Variants in MAN2A1 observed in about 807,000 individuals in gnomAD.
MAN2A1 encodes the protein mannosidase alpha class 2A member 1, also known as alpha-mannosidase 2.
A neutral mutation model predicts 142.6 loss-of-function variants in MAN2A1; 76 were observed. That is an observed-to-expected ratio of 0.53 (90% CI 0.44 to 0.65). The LOEUF is 0.65. Ranked by LOEUF, MAN2A1 falls within the 30% of genes least tolerant of loss-of-function variation. MAN2A1 has a pLI of 0.00. For synonymous variants in MAN2A1, 559 were observed against 473.2 expected (o/e 1.18, Z -2.35); for missense variants, 1,311 against 1,365.1 (o/e 0.96, Z 0.62).
chr5:109,793,713 A>G (rs764965603), intron 12 of MAN2A1, among the ~76,000 whole-genome samples: 17 of 152,204 alleles, frequency 1.1e-4, no homozygotes, highest in Non-Finnish European at 1.8e-4. Context: ...TTCAGATTGC[A>G]TCTCAGCATC....
intron 4 of MAN2A1, among the ~76,000 whole-genome samples, chr5:109,736,714 T>A (rs1024408590): frequency 6.6e-6 from 1 of 152,160 alleles, no homozygotes; most frequent in Admixed American, 6.6e-5. Flanking sequence ...TTGATTTACT[T>A]AATTTTGTTG....
intron 4 of MAN2A1, among the ~76,000 whole-genome samples, chr5:109,732,051 A>G (rs905617337): frequency 6.6e-6 from 1 of 151,954 alleles, no homozygotes; most frequent in Non-Finnish European, 1.5e-5. Flanking sequence ...AATGATTGCC[A>G]TTCTAACTGG....
At chr5:109,814,754 T>G (rs1055488408) in intron 12 of MAN2A1, among the ~76,000 whole-genome samples, 1 of 152,202 alleles carries the variant, frequency 6.6e-6, no homozygotes, top group Non-Finnish European at 1.5e-5. Flanking sequence ...AAATATATGG[T>G]TAAAATTATT....
chr5:109,854,915 A>C, intron 19 of MAN2A1: 2 of 366,952 alleles, frequency 5.5e-6, no homozygotes, highest in South Asian at 1.2e-4. Flanking sequence ...AATCAATGGA[A>C]GATATATTTT....
intron 16 of MAN2A1, 140 bp from the exon 17 acceptor site, chr5:109,842,188 A>G (rs971846850): frequency 1.5e-5 from 8 of 518,426 alleles, no homozygotes; most frequent in Non-Finnish European, 2.6e-5. Flanking sequence ...TTGTCATAGC[A>G]TTTATTATAT....
At chr5:109,788,680 C>T (rs1753660533) in intron 10 of MAN2A1, among the ~76,000 whole-genome samples, 1 of 151,726 alleles carries the variant, frequency 6.6e-6, no homozygotes, top group Admixed American at 6.6e-5. Flanking sequence ...AGAAAGTATA[C>T]ATAGTTTGAT....
Position 109,690,121 on chromosome 5 carries a change from T to G in MAN2A1, c.-297T>G. ...CCTGCCCCGCGCGCCCTGCCGGAGG[T>G]CGGCGCTGAGCTTGCGATCAAGTTT... On this transcript the variant is annotated 5_prime_UTR_variant, in exon 1 of 22. Coordinates refer to ENST00000261483, the MANE Select transcript of MAN2A1 (RefSeq NM_002372.4). 4 of 318,724 alleles carry G rather than the reference T, an allele frequency of 1.3e-5. No homozygotes were observed. The highest frequency in any genetic ancestry group is 1.8e-5 in the Non-Finnish European group (3 of 168,858). The allele number at this position is 318,724 out of a possible 1,614,324, so 19.7% of individuals were successfully genotyped here.
chr5:109,767,194 C>G (rs1013997277), intron 5 of MAN2A1, among the ~76,000 whole-genome samples: 6 of 152,154 alleles, frequency 3.9e-5, no homozygotes, highest in Non-Finnish European at 8.8e-5. Flanking sequence ...ACTGTGATAT[C>G]CTTCCAGGAA....
intron 4 of MAN2A1, among the ~76,000 whole-genome samples, chr5:109,731,864 T>A (rs1290064207): frequency 6.7e-6 from 1 of 149,182 alleles, no homozygotes; most frequent in Non-Finnish European, 1.5e-5. Flanking sequence ...TATAGTCCTT[T>A]GGGTATATAC....
chr5:109,728,189 C>T (rs1161559537), intron 3 of MAN2A1, among the ~76,000 whole-genome samples: 1 of 152,172 alleles, frequency 6.6e-6, no homozygotes, highest in Non-Finnish European at 1.5e-5. Context: ...GTGCTCTTTT[C>T]AAAAGCTCAT....
At chr5:109,690,763 G>A (rs1467890124) in intron 1 of MAN2A1, among the ~76,000 whole-genome samples, 1 of 152,038 alleles carries the variant, frequency 6.6e-6, no homozygotes, top group African/African-American at 2.4e-5. Flanking sequence ...GGCGGCGTGC[G>A]GCGGCGGCGG....
At chr5:109,701,059 A>C (rs1750966938) in intron 1 of MAN2A1, among the ~76,000 whole-genome samples, 1 of 152,254 alleles carries the variant, frequency 6.6e-6, no homozygotes, top group Non-Finnish European at 1.5e-5. Flanking sequence ...GTTGTTACCA[A>C]TGGACAGAGA....
At chr5:109,698,250 T>G (rs1750870647) in intron 1 of MAN2A1, among the ~76,000 whole-genome samples, 2 of 152,266 alleles carry the variant, frequency 1.3e-5, no homozygotes, top group African/African-American at 4.8e-5. Flanking sequence ...TCTGGGATCC[T>G]GAGCGTTGCT....
At position 109,690,132 on chromosome 5, in the gene MAN2A1, C is replaced by G. The variant is rs1750620715; in HGVS notation, c.-286C>G. The stretch of plus-strand genomic sequence containing the variant: ...CGCCCTGCCGGAGGTCGGCGCTGAG[C>G]TTGCGATCAAGTTTGTGGGGGCCCC... On this transcript the variant is annotated 5_prime_UTR_variant, in exon 1 of 22. Transcript: ENST00000261483. 2.6e-6 allele frequency: 1 copy of G among 381,888 alleles called. No individual in the cohort carries two copies. Among genetic ancestry groups the G allele is most frequent in the Non-Finnish European group, 4.9e-6 (1 of 205,714 alleles). The allele number at this position is 381,888 out of a possible 1,614,324, so 23.7% of individuals were successfully genotyped here. A position where few individuals can be genotyped will look rare whatever the true frequency, so the allele number is the denominator to read the frequency against.
intron 12 of MAN2A1, among the ~76,000 whole-genome samples, chr5:109,810,612 G>C (rs1170506195): frequency 6.6e-6 from 1 of 152,170 alleles, no homozygotes; most frequent in African/African-American, 2.4e-5. Context: ...ATGCTCTTTT[G>C]ATCTCTTTGT....
intron 10 of MAN2A1, among the ~76,000 whole-genome samples, chr5:109,786,033 A>G (rs1055741682): frequency 9.9e-5 from 15 of 152,148 alleles, no homozygotes; most frequent in Admixed American, 8.5e-4. Context: ...AAATTGGGGG[A>G]AAAAGATATT....
Position 109,722,691 on chromosome 5 carries a change from C to T in MAN2A1, c.535+6427C>T, listed in dbSNP as rs561381797. On this transcript the variant is annotated intron_variant, in intron 3 of 21. Transcript: ENST00000261483. ...TTGGCCTCCCAAAGTGCTGGGATTA[C>T]AGACTTAAGCCACCGTACCTAGCAA... Among the ~76,000 whole-genome samples, 26 of 152,276 alleles carry T rather than the reference C, an allele frequency of 1.7e-4. No homozygotes were observed. The South Asian group carries it at 5.2e-3, about 30-fold the overall frequency.
At chr5:109,707,018 T>A (rs921271742) in intron 1 of MAN2A1, among the ~76,000 whole-genome samples, 5 of 152,178 alleles carry the variant, frequency 3.3e-5, no homozygotes, top group African/African-American at 1.2e-4. Context: ...AATAATAGTC[T>A]CTTGAGCCAG....
Position 109,823,759 on chromosome 5 carries a change from A to G in MAN2A1, c.2488A>G (p.Thr830Ala). The change falls in exon 16 of 22, where the codon ACA becomes GCA. Residue 830 changes from threonine to alanine, a missense_variant. By Grantham distance (58) the Thr-to-Ala change is moderately conservative. Coordinates refer to ENST00000261483, the MANE Select transcript of MAN2A1 (RefSeq NM_002372.4). ...CACAACACCGCCCTTTGTCAGAGTGACACATGGAAGGATTTATTCGGAAGT... is the reference window on the plus strand; with the variant it reads ...CACAACACCGCCCTTTGTCAGAGTGGCACATGGAAGGATTTATTCGGAAGT... ...VYTTPPFVRV[T>A]HGRIYSEVTC... 6.2e-7 allele frequency: 1 copy of G among 1,609,288 alleles called. No individual in the cohort carries two copies. The highest frequency in any genetic ancestry group is 8.5e-7 in the Non-Finnish European group (1 of 1,177,722).
Sources: gnomAD v4.1 joint callset for allele counts (sites outside exome capture counted in the v4.1 genomes callset) on GRCh38, gnomAD v4.1.1 for gene constraint, MANE v1.5 for transcripts, NCBI Gene and HGNC (gene_info 2026-07-23, HGNC 2026-07-21) for gene names.